LTBP1: variants seen among roughly 807,000 people sequenced by gnomAD.
LTBP1 encodes the protein latent-transforming growth factor beta-binding protein 1.
A neutral mutation model predicts 207.6 loss-of-function variants in LTBP1; 129 were observed. That is an observed-to-expected ratio of 0.62 (90% CI 0.54 to 0.72). LTBP1 has a LOEUF of 0.72. Among genes scored for constraint, LTBP1 ranks in the 30% least tolerant of loss-of-function variants. LTBP1 has a pLI of 0.00. For synonymous variants in LTBP1, 963 were observed against 833.7 expected, an observed-to-expected ratio of 1.16 and a Z score of -2.67; for missense variants, 2,281 against 2,217.2, an observed-to-expected ratio of 1.03 and a Z score of -0.58.
chr2:32,996,602 GT>G (rs1685315822), intron 2 of LTBP1, among the ~76,000 whole-genome samples: 1 of 152,184 alleles, frequency 6.6e-6, no homozygotes, highest in African/African-American at 2.4e-5. Context: ...GGTTGCTGCT[GT>G]TGTCTGCTTG....
intron 31 of LTBP1, among the ~76,000 whole-genome samples, chr2:33,377,661 T>G (rs2095157722): frequency 1.3e-5 from 2 of 152,250 alleles, no homozygotes; most frequent in Non-Finnish European, 2.9e-5. Context: ...GTAAACAATC[T>G]GATCCTAAAA....
intron 24 of LTBP1, among the ~76,000 whole-genome samples, chr2:33,329,538 A>G (rs1347392264): frequency 1.3e-5 from 2 of 151,984 alleles, no homozygotes; most frequent in African/African-American, 4.8e-5. Context: ...TTAAATTTGG[A>G]TTTGTAAGGC....
chr2:33,175,093 A>T (rs946115928), intron 5 of LTBP1, among the ~76,000 whole-genome samples: 6 of 152,156 alleles, frequency 3.9e-5, no homozygotes, highest in Non-Finnish European at 8.8e-5. Context: ...GGACATAGGC[A>T]TGGGCAAGGA....
chr2:33,270,293 T>C, intron 15 of LTBP1, among the ~76,000 whole-genome samples: 1 of 151,966 alleles, frequency 6.6e-6, no homozygotes, highest in East Asian at 1.9e-4. Flanking sequence ...ATGGTTGTTT[T>C]CTGTCTGCCT....
At chr2:33,069,023 A>AC (rs1276718984) in intron 3 of LTBP1, among the ~76,000 whole-genome samples, 1 of 152,262 alleles carries the variant, frequency 6.6e-6, no homozygotes, top group Non-Finnish European at 1.5e-5. Context: ...TCAAAAACCA[A>AC]CAGCAGTAAA....
At chr2:33,257,234 G>T (rs2092888026) in intron 11 of LTBP1, 50 bp from the exon 12 acceptor site, 1 of 1,381,462 alleles carries the variant, frequency 7.2e-7, no homozygotes, top group South Asian at 1.2e-5. Context: ...CTCTGTATAA[G>T]TTTGCACTGT....
At chr2:33,212,411 C>T (rs1019712979) in intron 7 of LTBP1, among the ~76,000 whole-genome samples, 3 of 152,174 alleles carry the variant, frequency 2.0e-5, no homozygotes, top group Non-Finnish European at 4.4e-5. Context: ...TCTGCCTAGA[C>T]GCAGTCCTAT....
chr2:33,359,114 C>T (rs1267936231), intron 26 of LTBP1, among the ~76,000 whole-genome samples: 2 of 152,160 alleles, frequency 1.3e-5, no homozygotes, highest in Admixed American at 6.6e-5. Flanking sequence ...TTGTCATCAG[C>T]TATTAATGCT....
chr2:33,377,860 G>A (rs13428115), intron 31 of LTBP1, among the ~76,000 whole-genome samples: 18,512 of 152,076 alleles, frequency 0.12, 1,243 homozygotes, highest in African/African-American at 0.17. Flanking sequence ...GAGAGAAAGA[G>A]CGAGGAAGTG....
intron 2 of LTBP1, among the ~76,000 whole-genome samples, chr2:33,006,190 TGAGATTACAG>T (rs1275533477): frequency 6.6e-6 from 1 of 152,168 alleles, no homozygotes; most frequent in Non-Finnish European, 1.5e-5. Flanking sequence ...CCCAGAGTGC[TGAGATTACAG>T]GCGTGAGCCA....
At chr2:33,207,531 C>T (rs538953333) in intron 7 of LTBP1, among the ~76,000 whole-genome samples, 2 of 152,126 alleles carry the variant, frequency 1.3e-5, no homozygotes, top group Non-Finnish European at 2.9e-5. Context: ...AAAACCTTGC[C>T]TATAAAGAAT....
chr2:33,184,594 A>T (rs953496261), intron 5 of LTBP1, among the ~76,000 whole-genome samples: 1 of 151,924 alleles, frequency 6.6e-6, no homozygotes, highest in Non-Finnish European at 1.5e-5. Context: ...GTTCCAAAGG[A>T]TTTATATTTC....
chr2:33,208,449 G>A (rs1186125483), intron 7 of LTBP1, among the ~76,000 whole-genome samples: 2 of 152,176 alleles, frequency 1.3e-5, no homozygotes, highest in Non-Finnish European at 1.5e-5. Context: ...TGCCCTTTGT[G>A]TGTACAGGTT....
At chr2:33,139,243 C>A (rs915220879) in intron 5 of LTBP1, among the ~76,000 whole-genome samples, 2 of 152,030 alleles carry the variant, frequency 1.3e-5, no homozygotes, top group Non-Finnish European at 2.9e-5. Flanking sequence ...AAATATGAGC[C>A]CTGTTGCTTT....
chr2:33,349,024 AT>A (rs1328288013), intron 26 of LTBP1, among the ~76,000 whole-genome samples: 1 of 152,216 alleles, frequency 6.6e-6, no homozygotes, highest in Non-Finnish European at 1.5e-5. Context: ...GAGTTTAGCC[AT>A]AAACTTCAGC....
At chr2:33,141,851 C>G (rs536425360) in intron 5 of LTBP1, among the ~76,000 whole-genome samples, 1 of 152,198 alleles carries the variant, frequency 6.6e-6, no homozygotes, top group East Asian at 1.9e-4. Flanking sequence ...TTGGGTTCAT[C>G]GACCTGCTTT....
chr2:33,008,704 C>T (rs1463757962), intron 2 of LTBP1, among the ~76,000 whole-genome samples: 2 of 152,154 alleles, frequency 1.3e-5, no homozygotes, highest in Non-Finnish European at 2.9e-5. Flanking sequence ...AAGAAGTGGA[C>T]AATGACCAGA....
intron 32 of LTBP1, among the ~76,000 whole-genome samples, chr2:33,396,553 T>G (rs1031400889): frequency 2.4e-4 from 37 of 152,228 alleles, no homozygotes. Flanking sequence ...TCTTTCTCAT[T>G]CATCAGGATG....
rs149253678 is a variant in LTBP1 at position 33,188,683 on chromosome 2, A to C, written c.1533A>C (p.Thr511=). Residue 511 remains threonine, a synonymous_variant, in exon 7 of 34, where the codon ACA becomes ACC. Transcript: ENST00000404816. ...SRIDGPTGQK[T]KEAQPGQSQV... is the part of the protein sequence containing the mutation. ...TTGATGGCCCAACAGGCCAGAAGACAAAAGAAGCTCAACCAGGCCAATCCC... is the reference window on the plus strand; with the variant it reads ...TTGATGGCCCAACAGGCCAGAAGACCAAAGAAGCTCAACCAGGCCAATCCC... The C allele has an allele frequency of 2.5e-6, 4 of 1,614,178 alleles. No homozygotes were observed. The highest frequency in any genetic ancestry group is 2.2e-5 in the East Asian group (1 of 44,878).
Sources: allele counts gnomAD v4.1 joint callset (sites outside exome capture counted in the v4.1 genomes callset), GRCh38; gene constraint gnomAD v4.1.1; transcripts MANE v1.5; gene names NCBI Gene and HGNC (gene_info 2026-07-23, HGNC 2026-07-21).